The following SLC19A1 variants were observed in gnomAD, a reference collection of about 807,000 sequenced individuals.
The protein encoded by SLC19A1 is reduced folate transporter.
A neutral mutation model predicts 35.3 loss-of-function variants in SLC19A1; 37 were observed. The ratio of observed to expected loss-of-function variants is 1.05; its 90% CI spans 0.81 to 1.38. The LOEUF (loss-of-function observed/expected upper bound fraction) is 1.38. Among genes scored for constraint, SLC19A1 ranks in the 40% most tolerant of loss-of-function variants. The pLI is 0.00. For synonymous variants in SLC19A1, 460 were observed against 398.5 expected (o/e 1.15, Z -1.84); for missense variants, 831 against 826.9 (o/e 1.00, Z -0.06).
chr21:45,506,312 C>T (rs2037201603), intron 3 of SLC19A1: 3 of 368,882 alleles, frequency 8.1e-6, no homozygotes, highest in African/African-American at 2.1e-5. Flanking sequence ...GGGGCTCAGG[C>T]CCTCCAGGGC....
downstream of SLC19A1, chr21:45,512,506 A>ACTTTC (rs2037671133): frequency 3.1e-6 from 3 of 978,562 alleles, no homozygotes; most frequent in African/African-American, 3.2e-5. Flanking sequence ...TGGCTGCCAT[A>ACTTTC]CTTTCCTGTA....
intron 5 of SLC19A1, among the ~76,000 whole-genome samples, chr21:45,518,359 T>C (rs1053696135): frequency 5.9e-5 from 9 of 152,308 alleles, no homozygotes; most frequent in East Asian, 1.9e-4. Flanking sequence ...GCCTCATTCC[T>C]TGTGGGACTA....
At chr21:45,522,189 G>A (rs1453329584) in intron 5 of SLC19A1, among the ~76,000 whole-genome samples, 3 of 152,118 alleles carry the variant, frequency 2.0e-5, no homozygotes, top group Non-Finnish European at 4.4e-5. Flanking sequence ...TTTTGCAAAT[G>A]GAAAATAAGG....
intron 1 of SLC19A1, among the ~76,000 whole-genome samples, chr21:45,550,572 A>G (rs1312250894): frequency 6.6e-6 from 1 of 152,216 alleles, no homozygotes; most frequent in Non-Finnish European, 1.5e-5. Context: ...CTCCCAGCCA[A>G]GGGGAGACCA....
chr21:45,562,711 G>A (rs761907006), intron 1 of SLC19A1, among the ~76,000 whole-genome samples: 15 of 152,182 alleles, frequency 9.9e-5, no homozygotes, highest in Non-Finnish European at 1.8e-4. Flanking sequence ...ACCACAGGAC[G>A]GAGTCCCAGA....
Position 45,517,762 on chromosome 21 carries a change from C to T in SLC19A1, c.1294-1622G>A, listed in dbSNP as rs1461321065. On this transcript the variant is annotated intron_variant, in intron 5 of 5. Transcript: ENST00000311124. The surrounding 1 kb of genome is among the most constrained non-coding windows in gnomAD (Gnocchi z 4.4). ...CCCAACCCCAGGGGCATCAAGGGGG[C>T]CACGAGGGGAGCTGGACTCCCATCC... Among the ~76,000 whole-genome samples the T allele has an allele frequency of 6.6e-6, 1 of 152,034 alleles. No individual in the cohort carries two copies. Among genetic ancestry groups the T allele is most frequent in the Non-Finnish European group, 1.5e-5 (1 of 67,990 alleles).
Position 45,515,510 on chromosome 21 carries a change from G to A in SLC19A1, c.*148C>T. ...CGCCAGCACGCTGTGGCCACCGCCA[G>A]AGTGCGGCACAGGGCAGGGGGAATC... On this transcript the variant is annotated 3_prime_UTR_variant, in exon 6 of 6. Coordinates refer to ENST00000311124, the MANE Select transcript of SLC19A1 (RefSeq NM_194255.4). 6.6e-7 allele frequency: 1 copy of A among 1,512,324 alleles called. No homozygotes were observed. The highest frequency in any genetic ancestry group is 8.7e-7 in the Non-Finnish European group (1 of 1,144,058). The allele number at this position is 1,512,324 out of a possible 1,614,324, so 93.7% of individuals were successfully genotyped here. A position where few individuals can be genotyped will look rare whatever the true frequency, so the allele number is the denominator to read the frequency against.
upstream of SLC19A1, among the ~76,000 whole-genome samples, chr21:45,548,409 C>T (rs549033704): frequency 9.2e-5 from 14 of 152,306 alleles, no homozygotes; most frequent in Admixed American, 3.9e-4. Context: ...ACGTAAGTGA[C>T]GCTTACAACT....
chr21:45,510,081 C>T (rs763125574), downstream of SLC19A1: 16 of 1,578,860 alleles, frequency 1.0e-5, no homozygotes, highest in Non-Finnish European at 1.3e-5. Context: ...TGGTTGCGCT[C>T]AACAGCCCCC....
At chr21:45,553,110 G>C (rs2078483693) in intron 1 of SLC19A1, among the ~76,000 whole-genome samples, 1 of 152,116 alleles carries the variant, frequency 6.6e-6, no homozygotes, top group African/African-American at 2.4e-5. Flanking sequence ...CCGGAGCGGG[G>C]GCCTCGCTGG....
rs1370195651 is a variant in SLC19A1, at chr21:45,512,909, T to C, written c.*2749A>G. The C allele has an allele frequency of 5.1e-6, 1 of 195,072 alleles. No individual in the cohort carries two copies. The highest frequency in any genetic ancestry group is 5.3e-5 in the Admixed American group (1 of 18,778). The allele number at this position is 195,072 out of a possible 1,614,324, so 12.1% of individuals were successfully genotyped here. ...GGGTGTGTGCTCGCCCTGCGGTAGA[T>C]GGGAGGGAGGCTCAGGTCCCTGGGG... On this transcript the variant is annotated 3_prime_UTR_variant, in exon 6 of 6. Transcript: ENST00000311124.
upstream of SLC19A1, among the ~76,000 whole-genome samples, chr21:45,548,719 G>A (rs933961070): frequency 3.9e-5 from 6 of 152,066 alleles, no homozygotes; most frequent in Admixed American, 6.6e-5. Flanking sequence ...ACTCCAGCCT[G>A]GGCGACAGAG....
Position 45,515,841 on chromosome 21 carries a change from C to A in SLC19A1, c.1593G>T (p.Pro531=). 1.2e-6 allele frequency: 2 copies of A among 1,600,650 alleles called. No individual in the cohort carries two copies. The highest frequency in any genetic ancestry group is 2.2e-5 in the South Asian group (2 of 89,642). The change falls in exon 6 of 6, where the codon CCG becomes CCT. Residue 531 remains proline (P), a synonymous_variant. Transcript: ENST00000311124. The part of the protein sequence containing the change: ...SDPYLAQAPA[P]QAAEFLSPVT... Reference sequence around the variant, plus strand: ...CTGGGCTCAGGAATTCAGCTGCCTGCGGGGCCGGGGCCTGGGCCAGGTATG... The same window carrying A: ...CTGGGCTCAGGAATTCAGCTGCCTGAGGGGCCGGGGCCTGGGCCAGGTATG...
intron 1 of SLC19A1, among the ~76,000 whole-genome samples, chr21:45,541,550 T>C (rs2078303955): frequency 6.6e-6 from 1 of 152,204 alleles, no homozygotes; most frequent in South Asian, 2.1e-4. Context: ...GAGTTTCCGA[T>C]GGACAGGACC....
At chr21:45,505,935 T>C (rs751774384) in intron 3 of SLC19A1, 3 of 1,613,166 alleles carry the variant, frequency 1.9e-6, no homozygotes, top group South Asian at 2.2e-5. Flanking sequence ...GAGCTCTACG[T>C]CCGCGTGCAG....
At chr21:45,510,277 C>T (rs2146127957), downstream of SLC19A1, 1 of 1,588,224 alleles carries the variant, frequency 6.3e-7, no homozygotes, top group South Asian at 1.1e-5. Flanking sequence ...TCAGTCCAGT[C>T]CTGAGGGCGC....
chr21:45,539,825 A>T (rs2078247134), intron 1 of SLC19A1, among the ~76,000 whole-genome samples: 1 of 152,160 alleles, frequency 6.6e-6, no homozygotes, highest in Non-Finnish European at 1.5e-5. Context: ...GTGGGCTTGC[A>T]ATGGGGGCCG....
rs1232640601 is a variant in SLC19A1 at position 45,533,794 on chromosome 21, C to G, written c.190-1646G>C. 6.6e-6 allele frequency among the ~76,000 whole-genome samples: 1 copy of G among 152,118 alleles called. No individual in the cohort carries two copies. The highest frequency in any genetic ancestry group is 1.5e-5 in the Non-Finnish European group (1 of 67,988). The stretch of plus-strand genomic sequence containing the variant: ...ACGTGGGGTGCTGCGCCGAGCCACG[C>G]CGCCTCCCCGGGGGCTCTCAGCCTC... On this transcript the variant is annotated intron_variant, in intron 2 of 5. Transcript: ENST00000311124. The surrounding 1 kb of genome is among the most constrained non-coding windows in gnomAD (Gnocchi z 4.5).
rs913970690 is a variant in SLC19A1, at chr21:45,517,325, C to A, written c.1294-1185G>T. On this transcript the variant is annotated intron_variant, in intron 5 of 5. Coordinates refer to ENST00000311124, the MANE Select transcript of SLC19A1 (RefSeq NM_194255.4). This position sits in a 1 kb window ranked among gnomAD's most constrained non-coding sequence, Gnocchi z 4.4. ...GGAATCGCCCTGCTCCCCGCAAACACCAGACCTCGGCTCCACCCACCATGT... is the reference window on the plus strand; with the variant it reads ...GGAATCGCCCTGCTCCCCGCAAACAACAGACCTCGGCTCCACCCACCATGT... 6.6e-6 allele frequency among the ~76,000 whole-genome samples: 1 copy of A among 152,132 alleles called. No individual in the cohort carries two copies. The highest frequency in any genetic ancestry group is 2.4e-5 in the African/African-American group (1 of 41,386).
Sources: gnomAD v4.1 joint callset for allele counts (sites outside exome capture counted in the v4.1 genomes callset) on GRCh38, gnomAD v4.1.1 for gene constraint, Gnocchi (gnomAD v3.1) non-coding constraint, MANE v1.5 for transcripts, NCBI Gene and HGNC (gene_info 2026-07-23, HGNC 2026-07-21) for gene names.